Variants in CEP126 observed in about 807,000 individuals in gnomAD.
CEP126 encodes the protein centrosomal protein 126.
In CEP126, 74 loss-of-function variants were observed where a neutral mutation model predicts 107.8. That is an observed-to-expected ratio of 0.69 (90% CI 0.57 to 0.83). CEP126 has a LOEUF of 0.83. Among genes scored for constraint, CEP126 ranks in the 40% least tolerant of loss-of-function variants. The pLI is 0.00. For missense variants in CEP126, 1,237 were observed against 1,281.9 expected (o/e 0.96, Z 0.53); for synonymous variants, 449 against 446.0 (o/e 1.01, Z -0.08).
intron 9 of CEP126, among the ~76,000 whole-genome samples, chr11:101,989,584 A>AT (rs1212092226): frequency 6.6e-6 from 1 of 152,256 alleles, no homozygotes; most frequent in Non-Finnish European, 1.5e-5. Flanking sequence ...ACAATAAAAG[A>AT]TAAGTGACAA....
At position 101,915,364 on chromosome 11, in the gene CEP126, C is replaced by G. The variant is rs200573063; in HGVS notation, c.80C>G (p.Pro27Arg). Residue 27 changes from proline (P) to arginine (R), a missense_variant, in exon 1 of 11, where the codon CCC (proline) becomes CGC (arginine). Coordinates refer to ENST00000263468, the MANE Select transcript of CEP126 (RefSeq NM_020802.4). ...TESSDNLDRAPLGPRESGGHH... is the reference protein window; with the variant it reads ...TESSDNLDRARLGPRESGGHH... ...TCATCGGACAACCTCGACAGAGCCC[C>G]CCTCGGCCCTCGGGAGAGCGGCGGG... 80 of 1,613,830 alleles carry G rather than the reference C, an allele frequency of 5.0e-5. No individual in the cohort carries two copies. The highest frequency in any genetic ancestry group is 6.4e-5 in the Non-Finnish European group (75 of 1,179,960).
chr11:101,941,434 T>C (rs1393124679), intron 2 of CEP126, among the ~76,000 whole-genome samples: 1 of 152,188 alleles, frequency 6.6e-6, no homozygotes, highest in African/African-American at 2.4e-5. Flanking sequence ...CTTAGCAGAA[T>C]GTTTTCAAGG....
At chr11:101,986,557 T>C (rs1365294851) in intron 8 of CEP126, among the ~76,000 whole-genome samples, 1 of 152,224 alleles carries the variant, frequency 6.6e-6, no homozygotes, top group African/African-American at 2.4e-5. Context: ...ATCTGCATTA[T>C]ATAGTTTTTT....
At chr11:101,993,708 C>A (rs1047706294) in intron 10 of CEP126, among the ~76,000 whole-genome samples, 1 of 152,218 alleles carries the variant, frequency 6.6e-6, no homozygotes, top group Non-Finnish European at 1.5e-5. Context: ...ACAGCCTCAC[C>A]AGTATCTGCT....
At chr11:101,915,503 G>A (rs920387204) in intron 1 of CEP126, 91 bp downstream of exon 1, 21 of 1,488,302 alleles carry the variant, frequency 1.4e-5, no homozygotes, top group Non-Finnish European at 1.8e-5. Context: ...TTTGACGCAG[G>A]GTGATCAAAA....
rs2137142601 is a variant in CEP126 at position 101,999,461 on chromosome 11, T to C, written c.*1818T>C. On this transcript the variant is annotated 3_prime_UTR_variant, in exon 11 of 11. Transcript: ENST00000263468. ...CTACAAGCAAAAAGATAGTTGAAAA[T>C]AGTTAAGATCCAAAGTCAGAATAGG... The C allele has an allele frequency of 1.1e-5, 1 of 88,126 alleles. No homozygotes were observed. Among genetic ancestry groups the C allele is most frequent in the South Asian group, 3.3e-4 (1 of 3,032 alleles). 5.5% of individuals were successfully genotyped at this position (88,126 alleles called of 1,614,324 possible).
intron 2 of CEP126, among the ~76,000 whole-genome samples, chr11:101,925,078 G>A (rs1323572120): frequency 2.0e-5 from 3 of 152,088 alleles, no homozygotes; most frequent in African/African-American, 7.2e-5. Context: ...GGCTCCAGTA[G>A]ATGCTGGTTA....
At chr11:101,923,879 A>G (rs980112859) in intron 2 of CEP126, among the ~76,000 whole-genome samples, 2 of 152,172 alleles carry the variant, frequency 1.3e-5, no homozygotes, top group Non-Finnish European at 2.9e-5. Flanking sequence ...AATTACATCT[A>G]TTTCAAGGGA....
In CEP126 at chr11:101,955,066, T is replaced by C. The variant is rs569952487; in HGVS notation, c.507-3102T>C. Among the ~76,000 whole-genome samples the C allele has an allele frequency of 2.6e-5, 4 of 152,264 alleles. No individual in the cohort carries two copies. In the South Asian group the frequency reaches 8.3e-4, roughly 32 times the overall value. Reference sequence around the variant, plus strand: ...GTTAGTGGTAGATAAAAATAAGATGTTGGCAATCTGATCATGTAAAAGAGA... The same window carrying C: ...GTTAGTGGTAGATAAAAATAAGATGCTGGCAATCTGATCATGTAAAAGAGA... On this transcript the variant is annotated intron_variant, in intron 4 of 10. Coordinates refer to ENST00000263468, the MANE Select transcript of CEP126 (RefSeq NM_020802.4).
intron 4 of CEP126, chr11:101,957,029 G>A (rs1940908639): frequency 3.4e-6 from 1 of 291,306 alleles, no homozygotes; most frequent in African/African-American, 2.3e-5. Context: ...GATTATCTAA[G>A]AGTAGGAAAG....
At chr11:101,923,864 G>C (rs1478507352) in intron 2 of CEP126, among the ~76,000 whole-genome samples, 2 of 152,110 alleles carry the variant, frequency 1.3e-5, no homozygotes, top group African/African-American at 4.8e-5. Flanking sequence ...TTTATGATTG[G>C]AATTAATTAC....
chr11:101,950,674 G>A (rs966728299), intron 4 of CEP126, among the ~76,000 whole-genome samples: 3 of 152,018 alleles, frequency 2.0e-5, no homozygotes, highest in Non-Finnish European at 4.4e-5. Flanking sequence ...AGCATGTGTT[G>A]GGTTTTAGGC....
intron 4 of CEP126, among the ~76,000 whole-genome samples, chr11:101,953,617 G>A (rs868711750): frequency 2.6e-5 from 4 of 151,874 alleles, no homozygotes; most frequent in South Asian, 2.1e-4. Flanking sequence ...GTGATGATGC[G>A]GAAACCAAGG....
At chr11:101,992,484 AAAAG>A (rs1941396655) in intron 9 of CEP126, among the ~76,000 whole-genome samples, 2 of 152,104 alleles carry the variant, frequency 1.3e-5, no homozygotes, top group South Asian at 4.1e-4. Flanking sequence ...TTTTATTAAA[AAAAG>A]AGAAAGAAAG....
At chr11:101,951,072 G>C (rs61534871) in intron 4 of CEP126, among the ~76,000 whole-genome samples, 1 of 152,150 alleles carries the variant, frequency 6.6e-6, no homozygotes, top group Non-Finnish European at 1.5e-5. Context: ...GTGAAGAAAG[G>C]ATGGCTCTGA....
At chr11:101,951,379 G>T (rs982010559) in intron 4 of CEP126, among the ~76,000 whole-genome samples, 4 of 152,040 alleles carry the variant, frequency 2.6e-5, no homozygotes, top group African/African-American at 9.7e-5. Context: ...GGGCATGCTG[G>T]CACACACCTG....
chr11:101,932,506 A>AT (rs1940515459), intron 2 of CEP126, among the ~76,000 whole-genome samples: 2 of 152,196 alleles, frequency 1.3e-5, no homozygotes, highest in Admixed American at 1.3e-4. Flanking sequence ...TACAAGAAAA[A>AT]TACCACCTCT....
chr11:101,925,058 C>T (rs1940387040), intron 2 of CEP126, among the ~76,000 whole-genome samples: 1 of 152,116 alleles, frequency 6.6e-6, no homozygotes. Flanking sequence ...TCCAAGTCCC[C>T]TTTGTTTCCG....
intron 9 of CEP126, among the ~76,000 whole-genome samples, chr11:101,991,039 G>A (rs1176988155): frequency 2.6e-5 from 4 of 151,984 alleles, no homozygotes; most frequent in Non-Finnish European, 4.4e-5. Flanking sequence ...AGTCAGGCAT[G>A]GTGGCACATA....
Sources: allele counts gnomAD v4.1 joint callset (sites outside exome capture counted in the v4.1 genomes callset), GRCh38; gene constraint gnomAD v4.1.1; transcripts MANE v1.5; gene names NCBI Gene and HGNC (gene_info 2026-07-23, HGNC 2026-07-21).